The following CYP11A1 variants were observed in gnomAD, a reference collection of about 807,000 sequenced individuals.
CYP11A1 encodes cytochrome P450 family 11 subfamily A member 1.
CYP11A1 carries 25 observed loss-of-function variants against 51.9 expected under a neutral mutation model. The ratio of observed to expected loss-of-function variants is 0.48; its 90% confidence interval spans 0.35 to 0.67. The LOEUF (loss-of-function observed/expected upper bound fraction) is 0.67. Among genes scored for constraint, CYP11A1 ranks in the 30% least tolerant of loss-of-function variants. CYP11A1 has a pLI of 0.00. For synonymous variants in CYP11A1, 245 were observed against 262.1 expected (o/e 0.93, Z 0.63); for missense variants, 578 against 680.9 (o/e 0.85, Z 1.68).
intron 8 of CYP11A1, 197 bp downstream of exon 8, chr15:74,338,374 A>G: frequency 1.4e-6 from 1 of 721,170 alleles, no homozygotes; most frequent in South Asian, 1.6e-5. Context: ...CAGGGGCATC[A>G]GTGGGTGATG....
chr15:74,343,258 G>C (rs939004473), intron 4 of CYP11A1, 121 bp from the exon 5 acceptor site: 1 of 1,006,462 alleles, frequency 9.9e-7, no homozygotes, highest in African/African-American at 1.6e-5. Flanking sequence ...TGCTTCTTAG[G>C]CTGCCGTTTT....
rs1427012545 is a variant in CYP11A1, at chr15:74,345,030, G to A, written c.625+14C>T. The A allele has an allele frequency of 6.2e-7, 1 of 1,613,232 alleles. No homozygotes were observed. The highest frequency in any genetic ancestry group is 8.5e-7 in the Non-Finnish European group (1 of 1,179,226). The stretch of plus-strand genomic sequence containing the variant: ...CCCCCATGCCCACTGCCAGCCAGGT[G>A]CAAGCCCCCTTACACTCAAAGGCAA... On this transcript the variant is annotated intron_variant, in intron 3 of 8. Coordinates refer to ENST00000268053, the MANE Select transcript of CYP11A1 (RefSeq NM_000781.3). This position sits in a 1 kb window ranked among gnomAD's most constrained non-coding sequence, Gnocchi z 4.3.
rs565795598 is a variant in CYP11A1 at position 74,339,368 on chromosome 15, G to A, written c.1158-53C>T. 49 of 1,562,474 alleles carry A rather than the reference G, an allele frequency of 3.1e-5. 1 individual carries two copies. Among genetic ancestry groups the A allele is most frequent in the East Asian group, 9.0e-5 (4 of 44,612 alleles). ...ATGGCCCCAAAGGCTGGACACAGCC[G>A]CCGGAGCCCCACACCCTGTGTGGCA... On this transcript the variant is annotated intron_variant, in intron 6 of 8. Coordinates refer to ENST00000268053, the MANE Select transcript of CYP11A1 (RefSeq NM_000781.3).
chr15:74,339,324 G>A lies in CYP11A1; in HGVS notation c.1158-9C>T. On this transcript the variant is annotated splice_polypyrimidine_tract_variant and intron_variant, in intron 6 of 8. Transcript: ENST00000268053. ...CGGAGATGGGGTGAAGTCTGCGGGA[G>A]GAGGGCACTCAGAAGCTGATGGCCC... 1.9e-6 allele frequency: 3 copies of A among 1,613,514 alleles called. No individual in the cohort carries two copies. The African/African-American group carries it at 4.0e-5, about 22-fold the overall frequency.
chr15:74,353,751 CTCTG>C (rs2060665647), intron 1 of CYP11A1, among the ~76,000 whole-genome samples: 1 of 152,080 alleles, frequency 6.6e-6, no homozygotes, highest in Non-Finnish European at 1.5e-5. Context: ...ATTTGTTCTC[CTCTG>C]ACTTTGCTTG....
In CYP11A1 at chr15:74,345,138, G is replaced by A; in HGVS notation, c.531C>T (p.Asp177=). 1 of 1,614,158 alleles carries A rather than the reference G, an allele frequency of 6.2e-7. No homozygotes were observed. Among genetic ancestry groups the A allele is most frequent in the South Asian group, 1.1e-5 (1 of 91,052 alleles). The change falls in exon 3 of 9, where the codon GAC becomes GAT. Residue 177 remains aspartate (D), a synonymous_variant. Coordinates refer to ENST00000268053, the MANE Select transcript of CYP11A1 (RefSeq NM_000781.3). This position sits in a 1 kb window ranked among gnomAD's most constrained non-coding sequence, Gnocchi z 4.3. ...TGCGCCTGTGCAGGACACTGACGAA[G>A]TCCCGAGACACTGCATCCAACAGGG... ...FLPLLDAVSR[D]FVSVLHRRIK...
intron 3 of CYP11A1, chr15:74,344,825 C>A: frequency 1.6e-6 from 1 of 607,974 alleles, no homozygotes; most frequent in Non-Finnish European, 3.0e-6. Context: ...AGAGAGAATG[C>A]CAGATGAGAG....
At chr15:74,365,889 AG>A (rs1423494645) in intron 1 of CYP11A1, 5 of 985,420 alleles carry the variant, frequency 5.1e-6, no homozygotes, top group Non-Finnish European at 6.0e-6. Context: ...GGGCCAGCGA[AG>A]CCAGTGCTCC....
rs535953581 is a variant in CYP11A1, at chr15:74,347,412, T to TA, written c.425+487dup. Among the ~76,000 whole-genome samples, 61 of 151,640 alleles carry TA rather than the reference T, an allele frequency of 4.0e-4. No homozygotes were observed. In the South Asian group the frequency reaches 6.7e-3, roughly 17 times the overall value. Reference sequence around the variant, plus strand: ...GACACAATGAGATCCCATCTCAAAATAAAAAAAAATTTATGAACAATTTCG... The same window carrying TA: ...GACACAATGAGATCCCATCTCAAAATAAAAAAAAAATTTATGAACAATTTCG... On this transcript the variant is annotated intron_variant, in intron 2 of 8. Transcript: ENST00000268053.
At chr15:74,358,301 C>T (rs1028347651) in intron 1 of CYP11A1, among the ~76,000 whole-genome samples, 2 of 152,182 alleles carry the variant, frequency 1.3e-5, no homozygotes, top group Non-Finnish European at 2.9e-5. Flanking sequence ...CCACCTACTC[C>T]CCTACTAAAA....
chr15:74,349,868 T>C (rs1158816755), intron 1 of CYP11A1, among the ~76,000 whole-genome samples: 1 of 152,068 alleles, frequency 6.6e-6, no homozygotes, highest in Non-Finnish European at 1.5e-5. Context: ...GGAGGATCAC[T>C]TGCGCCCAGG....
intron 5 of CYP11A1, among the ~76,000 whole-genome samples, chr15:74,340,067 T>C (rs1395928774): frequency 6.6e-6 from 1 of 152,236 alleles, no homozygotes; most frequent in Non-Finnish European, 1.5e-5. Context: ...CAATGCCTTC[T>C]TCCAAAGAAT....
chr15:74,339,598 C>T lies in CYP11A1; in HGVS notation c.1146G>A (p.Lys382=), dbSNP rs143743827. 2 of 1,614,126 alleles carry T rather than the reference C, an allele frequency of 1.2e-6. No homozygotes were observed. The highest frequency in any genetic ancestry group is 1.7e-6 in the Non-Finnish European group (2 of 1,179,978). The part of the protein sequence containing the change: ...QLVPLLKASI[K]ETLRLHPISV... ...GGTTGTGGGCTTGCCTTAGTGTCTC[C>T]TTGATGCTGGCTTTGAGGAGGGGGA... The change falls in exon 6 of 9, where the codon AAG becomes AAA. Residue 382 remains lysine, a synonymous_variant. Coordinates refer to ENST00000268053, the MANE Select transcript of CYP11A1 (RefSeq NM_000781.3).
intron 1 of CYP11A1, chr15:74,361,692 T>C: frequency 1.6e-6 from 2 of 1,229,014 alleles, no homozygotes; most frequent in South Asian, 1.2e-5. Flanking sequence ...AGGATTTGGT[T>C]ATAAGGGTTC....
intron 1 of CYP11A1, among the ~76,000 whole-genome samples, chr15:74,360,394 C>G (rs1290470511): frequency 6.6e-6 from 1 of 152,034 alleles, no homozygotes; most frequent in African/African-American, 2.4e-5. Flanking sequence ...CAATTCTCTG[C>G]CCTAGCCTCC....
In CYP11A1 at chr15:74,339,712, G is replaced by A; in HGVS notation, c.1032C>T (p.Arg344=). The A allele has an allele frequency of 3.1e-6, 5 of 1,614,158 alleles. No homozygotes were observed. Among genetic ancestry groups the A allele is most frequent in the Non-Finnish European group, 4.2e-6 (5 of 1,180,032 alleles). Residue 344 remains arginine (R), a synonymous_variant, in exon 6 of 9, where the codon CGC becomes CGT. Coordinates refer to ENST00000268053, the MANE Select transcript of CYP11A1 (RefSeq NM_000781.3). ...GCAGCATATCCTGCACCTTCAGGTTGCGTGCCATCTCATACAAGTGCCACT... is the reference window on the plus strand; with the variant it reads ...GCAGCATATCCTGCACCTTCAGGTTACGTGCCATCTCATACAAGTGCCACT... The part of the protein sequence containing the change: ...TLQWHLYEMA[R]NLKVQDMLRA...
At chr15:74,363,965 C>G (rs2060719929) in intron 1 of CYP11A1, 1 of 152,234 alleles carries the variant, frequency 6.6e-6, no homozygotes, top group Non-Finnish European at 1.5e-5. Context: ...CATGCCAAGA[C>G]TTTAAGGAAA....
chr15:74,346,352 C>CAAAA (rs1231496852), intron 2 of CYP11A1, among the ~76,000 whole-genome samples: 36 of 82,446 alleles, frequency 4.4e-4, no homozygotes, highest in Admixed American at 7.8e-4. Flanking sequence ...GACTCTGCCT[C>CAAAA]AAAAAAAAAA....
chr15:74,345,302 A>G lies in CYP11A1; in HGVS notation c.426-59T>C, dbSNP rs2060628024. The stretch of plus-strand genomic sequence containing the variant: ...CACAGACCCCAGGCCTGGTGAACAC[A>G]GAGGGGGCTGACTCAGTTTTCCCAG... On this transcript the variant is annotated intron_variant, in intron 2 of 8. Coordinates refer to ENST00000268053, the MANE Select transcript of CYP11A1 (RefSeq NM_000781.3). The surrounding 1 kb of genome is among the most constrained non-coding windows in gnomAD (Gnocchi z 4.3). 1 of 1,588,270 alleles carries G rather than the reference A, an allele frequency of 6.3e-7. No homozygotes were observed. The highest frequency in any genetic ancestry group is 8.6e-7 in the Non-Finnish European group (1 of 1,157,970).
Sources: allele counts gnomAD v4.1 joint callset (sites outside exome capture counted in the v4.1 genomes callset), GRCh38; gene constraint gnomAD v4.1.1; non-coding constraint Gnocchi (gnomAD v3.1); transcripts MANE v1.5; gene names NCBI Gene and HGNC (gene_info 2026-07-23, HGNC 2026-07-21).